MYZAP: variants seen among roughly 807,000 people sequenced by gnomAD.
MYZAP encodes the protein GRINL1A complex locus upstream.
Under a neutral mutation model 69.4 loss-of-function variants are expected in MYZAP, and 66 were observed. That is an observed-to-expected ratio of 0.95 (90% CI 0.78 to 1.17). The LOEUF is 1.17. MYZAP is among the 50% of genes most tolerant of loss of function. MYZAP has a pLI of 0.00. For synonymous variants in MYZAP, 256 were observed against 205.9 expected (o/e 1.24, Z -2.09); for missense variants, 611 against 556.2 (o/e 1.10, Z -0.99).
chr15:57,678,874 GA>G (rs1166389034), intron 12 of MYZAP, among the ~76,000 whole-genome samples: 9 of 150,244 alleles, frequency 6.0e-5, no homozygotes, highest in African/African-American at 1.5e-4. Context: ...TGTCTTGTGT[GA>G]AAAAAAAATT....
chr15:57,640,349 A>T (rs1236072608), intron 10 of MYZAP, among the ~76,000 whole-genome samples: 4 of 152,200 alleles, frequency 2.6e-5, no homozygotes, highest in Non-Finnish European at 5.9e-5. Context: ...GAAAAATCTG[A>T]TAGAAAAAGA....
intron 2 of MYZAP, among the ~76,000 whole-genome samples, chr15:57,604,748 C>T (rs1197641812): frequency 5.3e-5 from 8 of 152,182 alleles, no homozygotes; most frequent in African/African-American, 7.2e-5. Context: ...GAGCAGCAGC[C>T]GGGGGCTCTG....
chr15:57,677,770 C>T (rs749666248), intron 12 of MYZAP, among the ~76,000 whole-genome samples: 1 of 152,216 alleles, frequency 6.6e-6, no homozygotes, highest in Non-Finnish European at 1.5e-5. Flanking sequence ...CCTGCCCAGC[C>T]AGCTGCTAGC....
chr15:57,612,109 G>A (rs371987248), intron 2 of MYZAP, among the ~76,000 whole-genome samples: 3 of 152,222 alleles, frequency 2.0e-5, no homozygotes, highest in South Asian at 2.1e-4. Flanking sequence ...CGAAGTGCCA[G>A]CCTCTGCCTG....
chr15:57,651,142 A>G (rs1342576475), intron 10 of MYZAP, among the ~76,000 whole-genome samples: 1 of 152,208 alleles, frequency 6.6e-6, no homozygotes, highest in Non-Finnish European at 1.5e-5. Context: ...GGCTAGTGCT[A>G]GAGAGTGTTT....
intron 10 of MYZAP, among the ~76,000 whole-genome samples, chr15:57,645,907 G>T (rs1400890002): frequency 6.6e-6 from 1 of 152,198 alleles, no homozygotes; most frequent in Non-Finnish European, 1.5e-5. Flanking sequence ...TTCATCGCAA[G>T]TATCTGCCAT....
chr15:57,612,519 G>A (rs985401794), intron 2 of MYZAP, among the ~76,000 whole-genome samples: 2 of 152,184 alleles, frequency 1.3e-5, no homozygotes, highest in African/African-American at 4.8e-5. Flanking sequence ...TATTTATGGA[G>A]CATCTATTTA....
intron 10 of MYZAP, among the ~76,000 whole-genome samples, chr15:57,652,334 G>A (rs1356766459): frequency 6.6e-6 from 1 of 152,050 alleles, no homozygotes; most frequent in African/African-American, 2.4e-5. Context: ...CTGCATTAGT[G>A]CAGGGCAGAT....
chr15:57,677,991 G>C (rs1341190893), intron 12 of MYZAP, among the ~76,000 whole-genome samples: 2 of 144,064 alleles, frequency 1.4e-5, no homozygotes, highest in Admixed American at 7.0e-5. Context: ...ATCCCTTGAA[G>C]CTAGGAGTTC....
At chr15:57,657,993 CTAT>C (rs1365826976) in intron 10 of MYZAP, among the ~76,000 whole-genome samples, 1 of 152,100 alleles carries the variant, frequency 6.6e-6, no homozygotes, top group Admixed American at 6.6e-5. Context: ...ATGTCTTTAA[CTAT>C]TATTAACATT....
chr15:57,610,056 G>A (rs139164329), intron 2 of MYZAP, among the ~76,000 whole-genome samples: 11 of 152,274 alleles, frequency 7.2e-5, no homozygotes, highest in Admixed American at 2.0e-4. Flanking sequence ...TTGATTCTGC[G>A]TCTTTATGAT....
intron 11 of MYZAP, among the ~76,000 whole-genome samples, chr15:57,665,442 T>C (rs752973624): frequency 3.1e-4 from 47 of 152,274 alleles, no homozygotes; most frequent in Non-Finnish European, 6.3e-4. Flanking sequence ...TCTGGCTCCA[T>C]GCCCAGGCAG....
At chr15:57,642,200 T>G (rs1426510872) in intron 10 of MYZAP, among the ~76,000 whole-genome samples, 1 of 152,240 alleles carries the variant, frequency 6.6e-6, no homozygotes, top group African/African-American at 2.4e-5. Flanking sequence ...TCTGTAACCT[T>G]AAAGACTGTG....
At chr15:57,683,244 C>T (rs2733612) in intron 12 of MYZAP, among the ~76,000 whole-genome samples, 144,763 of 152,226 alleles carry the variant, frequency 0.95, 69,176 homozygotes, top group Non-Finnish European at 1. Flanking sequence ...AAAAATGTCC[C>T]GACCTCTTTG....
chr15:57,682,138 A>C (rs1336834435), intron 12 of MYZAP, among the ~76,000 whole-genome samples: 1 of 152,206 alleles, frequency 6.6e-6, no homozygotes, highest in African/African-American at 2.4e-5. Flanking sequence ...CACTCCACAC[A>C]GTCTTTCAGG....
intron 11 of MYZAP, among the ~76,000 whole-genome samples, chr15:57,668,464 G>A (rs538143761): frequency 6.6e-6 from 1 of 152,098 alleles, no homozygotes; most frequent in Non-Finnish European, 1.5e-5. Flanking sequence ...TTTAAATTTA[G>A]CCATTCAGTG....
At chr15:57,673,095 A>G (rs560910347) in intron 11 of MYZAP, among the ~76,000 whole-genome samples, 1 of 152,316 alleles carries the variant, frequency 6.6e-6, no homozygotes, top group East Asian at 1.9e-4. Context: ...TATTCTCATG[A>G]GTATACATTT....
chr15:57,627,414 G>GGGAGGA (rs370079600), intron 5 of MYZAP, among the ~76,000 whole-genome samples: 3 of 141,394 alleles, frequency 2.1e-5, no homozygotes, highest in African/African-American at 5.3e-5. Flanking sequence ...GAGGGGAAGG[G>GGGAGGA]GGAGGAGGAG....
Position 57,599,757 on chromosome 15 carries a change from C to A in MYZAP, c.76-4512C>A, listed in dbSNP as rs114674161. On this transcript the variant is annotated intron_variant, in intron 1 of 12. Coordinates refer to ENST00000267853, the MANE Select transcript of MYZAP (RefSeq NM_001018100.5). ...GGGAGATTTTCCCATGGGGAGATTG[C>A]GGAAGGTGAATGAATGGAGGGAGGT... 5,886 of 1,242,666 alleles carry A rather than the reference C, an allele frequency of 4.7e-3. 207 individuals are homozygous for A. In the African/African-American group the frequency reaches 0.079, roughly 17 times the overall value. 77.0% of individuals were successfully genotyped at this position (1,242,666 alleles called of 1,614,324 possible).
Sources: gnomAD v4.1 joint callset for allele counts (sites outside exome capture counted in the v4.1 genomes callset) on GRCh38, gnomAD v4.1.1 for gene constraint, MANE v1.5 for transcripts, NCBI Gene and HGNC (gene_info 2026-07-23, HGNC 2026-07-21) for gene names.